FLT1: variants seen among roughly 807,000 people sequenced by gnomAD.
The protein encoded by FLT1 is fms related receptor tyrosine kinase 1.
FLT1 carries 49 observed loss-of-function variants against 156.3 expected under a neutral mutation model. That is an observed-to-expected ratio of 0.31 (90% CI 0.25 to 0.40). The LOEUF (loss-of-function observed/expected upper bound fraction) is 0.40. Among genes scored for constraint, FLT1 ranks in the 10% least tolerant of loss-of-function variants. FLT1 has a pLI of 1.00. For missense variants in FLT1, 1,322 were observed against 1,637.2 expected, an observed-to-expected ratio of 0.81 and a Z score of 3.32; for synonymous variants, 594 against 583.8, an observed-to-expected ratio of 1.02 and a Z score of -0.25.
At chr13:28,409,193 T>C (rs1229612165) in intron 10 of FLT1, among the ~76,000 whole-genome samples, 1 of 152,074 alleles carries the variant, frequency 6.6e-6, no homozygotes, top group Non-Finnish European at 1.5e-5. Flanking sequence ...CTGACCTACA[T>C]GCTTTGGGTT....
At chr13:28,345,740 T>C (rs1045629056) in intron 15 of FLT1, 189 bp from the exon 16 acceptor site, 11 of 592,654 alleles carry the variant, frequency 1.9e-5, no homozygotes, top group Non-Finnish European at 3.0e-5. Flanking sequence ...TGAACTCACA[T>C]AGAAAAGGCA....
intron 15 of FLT1, among the ~76,000 whole-genome samples, chr13:28,356,025 A>G (rs1872885835): frequency 1.3e-5 from 2 of 152,112 alleles, no homozygotes; most frequent in Admixed American, 6.5e-5. Flanking sequence ...AGGCCATAAG[A>G]GTCCAGCCAT....
At chr13:28,324,786 C>T (rs1172612172) in intron 20 of FLT1, among the ~76,000 whole-genome samples, 1 of 152,150 alleles carries the variant, frequency 6.6e-6, no homozygotes, top group African/African-American at 2.4e-5. Flanking sequence ...GCCTTCTTCC[C>T]CACGGCACCC....
chr13:28,308,529 C>T (rs1870848319), intron 28 of FLT1: 1 of 389,322 alleles, frequency 2.6e-6, no homozygotes, highest in Non-Finnish European at 4.9e-6. Context: ...CTGGGAGTTC[C>T]TCTGTTACTC....
In FLT1 at chr13:28,357,701, T is replaced by A. The variant is rs748466179; in HGVS notation, c.2117-16A>T. ...AAAATAATTCCTGAGGGGTGAGAGA[T>A]GTTTAGATTAGTGGGCCTGGATGAC... is the stretch of plus-strand genomic sequence containing the variant. On this transcript the variant is annotated splice_polypyrimidine_tract_variant and intron_variant, in intron 14 of 29. Coordinates refer to ENST00000282397, the MANE Select transcript of FLT1 (RefSeq NM_002019.4). The A allele has an allele frequency of 1.4e-5, 22 of 1,611,650 alleles. No homozygotes were observed. Among genetic ancestry groups the A allele is most frequent in the Middle Eastern group, 3.3e-4 (2 of 6,080 alleles).
At chr13:28,464,939 A>C (rs1879769988) in intron 3 of FLT1, among the ~76,000 whole-genome samples, 1 of 152,194 alleles carries the variant, frequency 6.6e-6, no homozygotes, top group Non-Finnish European at 1.5e-5. Context: ...TATTAGAATG[A>C]ATAAATTTTT....
At chr13:28,387,271 G>A (rs1874419116) in intron 13 of FLT1, 2 of 1,042,060 alleles carry the variant, frequency 1.9e-6, no homozygotes, top group Non-Finnish European at 2.3e-6. Context: ...TCTGAAAAAT[G>A]TTCTACATTA....
chr13:28,399,893 T>C (rs756703891), intron 11 of FLT1, among the ~76,000 whole-genome samples: 1 of 152,240 alleles, frequency 6.6e-6, no homozygotes, highest in African/African-American at 2.4e-5. Context: ...CCAGGCAGCA[T>C]GCAAGGCACT....
chr13:28,418,715 C>G (rs1203479079), intron 10 of FLT1, among the ~76,000 whole-genome samples: 1 of 152,134 alleles, frequency 6.6e-6, no homozygotes, highest in Non-Finnish European at 1.5e-5. Flanking sequence ...AGGCGCATGT[C>G]ACCATGCCCA....
intron 10 of FLT1, among the ~76,000 whole-genome samples, chr13:28,418,730 AT>A (rs1050569798): frequency 1.3e-5 from 2 of 151,710 alleles, no homozygotes; most frequent in African/African-American, 4.8e-5. Flanking sequence ...TGCCCAGCTA[AT>A]TTTTTTTATT....
chr13:28,370,323 G>C (rs1287642804), intron 14 of FLT1, among the ~76,000 whole-genome samples: 1 of 152,150 alleles, frequency 6.6e-6, no homozygotes, highest in South Asian at 2.1e-4. Context: ...AGTTATGATG[G>C]GGGGAGAGGG....
rs749936074 is a variant in FLT1, at chr13:28,311,456, TTCTTTCTTTCTTTCTC to T, written c.3635+118_3635+133del. 445 of 803,636 alleles carry T rather than the reference TTCTTTCTTTCTTTCTC, an allele frequency of 5.5e-4. 1 individual carries two copies. Among genetic ancestry groups the T allele is most frequent in the South Asian group, 1.9e-3 (108 of 55,786 alleles). 49.8% of individuals were successfully genotyped at this position (803,636 alleles called of 1,614,324 possible). A position where few individuals can be genotyped will look rare whatever the true frequency, so the allele number is the denominator to read the frequency against. On this transcript the variant is annotated intron_variant, in intron 27 of 29. Coordinates refer to ENST00000282397, the MANE Select transcript of FLT1 (RefSeq NM_002019.4). The stretch of plus-strand genomic sequence containing the variant: ...ATATGGGTGGTGATCAACATAATCT[TTCTTTCTTTCTTTCTC>T]TCTTTCTTTCTTTCTCTCTTTCTTT...
chr13:28,377,380 T>A (rs971697432), intron 14 of FLT1, among the ~76,000 whole-genome samples: 1 of 150,070 alleles, frequency 6.7e-6, no homozygotes, highest in Non-Finnish European at 1.5e-5. Context: ...GTGTATCTTT[T>A]CAGCTATCCA....
At chr13:28,315,593 A>T (rs986575743) in intron 25 of FLT1, among the ~76,000 whole-genome samples, 3 of 151,738 alleles carry the variant, frequency 2.0e-5, no homozygotes, top group African/African-American at 7.3e-5. Context: ...AACTAATTTC[A>T]TACTATTTAG....
chr13:28,347,394 G>T (rs1301775568), intron 15 of FLT1, among the ~76,000 whole-genome samples: 1 of 151,904 alleles, frequency 6.6e-6, no homozygotes, highest in Non-Finnish European at 1.5e-5. Context: ...TGGGTGTGGT[G>T]GGGGGGCACC....
chr13:28,314,589 C>T (rs1386672687), intron 25 of FLT1, among the ~76,000 whole-genome samples: 2 of 152,104 alleles, frequency 1.3e-5, no homozygotes, highest in Admixed American at 6.5e-5. Context: ...AGTTTTCTTT[C>T]CAAGCTATCA....
chr13:28,329,170 C>A (rs1871818229), intron 19 of FLT1, among the ~76,000 whole-genome samples: 2 of 152,180 alleles, frequency 1.3e-5, no homozygotes, highest in Admixed American at 6.5e-5. Flanking sequence ...TCTGTCCCTA[C>A]CCCCTTGGGT....
intron 13 of FLT1, chr13:28,389,453 GCAA>G: frequency 7.6e-7 from 1 of 1,310,500 alleles, no homozygotes; most frequent in Non-Finnish European, 9.7e-7. Flanking sequence ...GGAGAAAACA[GCAA>G]GAGCAACAAA....
At position 28,467,092 on chromosome 13, in the gene FLT1, C is replaced by T; in HGVS notation, c.199G>A (p.Val67Met). ...CTCAGCCTTTCGCTTTCCTTACTCA[C>T]CATTTCAGGCAAAGACCATTTATGG... ...AAHKWSLPEMVSKESERLSIT... is the reference protein window; with the variant it reads ...AAHKWSLPEMMSKESERLSIT... Residue 67 changes from valine (V) to methionine (M), a missense_variant, in exon 3 of 30, where the codon GTG (valine) becomes ATG (methionine). Val to Met is a conservative substitution (Grantham distance 21, BLOSUM62 1). This residue lies in a region of FLT1 where 991 missense variants were observed against 1,254.8 expected (regional missense o/e 0.79). Transcript: ENST00000282397. The T allele has an allele frequency of 6.2e-7, 1 of 1,614,052 alleles. No individual in the cohort carries two copies. Among genetic ancestry groups the T allele is most frequent in the African/African-American group, 1.3e-5 (1 of 75,034 alleles).
Sources: gnomAD v4.1 joint callset for allele counts (sites outside exome capture counted in the v4.1 genomes callset) on GRCh38, gnomAD v4.1.1 for gene constraint, gnomAD v4.1.1 regional missense constraint, MANE v1.5 for transcripts, NCBI Gene and HGNC (gene_info 2026-07-23, HGNC 2026-07-21) for gene names.